ASIC2: variants seen among roughly 807,000 people sequenced by gnomAD.
ASIC2 encodes the protein acid sensing ion channel subunit 2.
ASIC2 carries 25 observed loss-of-function variants against 57.3 expected under a neutral mutation model. That is an observed-to-expected ratio of 0.44 (90% CI 0.32 to 0.61). ASIC2 has a LOEUF of 0.61. Ranked by LOEUF, ASIC2 falls within the 20% of genes least tolerant of loss-of-function variation. The pLI is 0.06. For synonymous variants in ASIC2, 319 were observed against 307.5 expected (o/e 1.04, Z -0.39); for missense variants, 641 against 738.1 (o/e 0.87, Z 1.52).
At chr17:33,624,380 A>G (rs1459415153) in intron 1 of ASIC2, among the ~76,000 whole-genome samples, 1 of 152,194 alleles carries the variant, frequency 6.6e-6, no homozygotes, top group African/African-American at 2.4e-5. Context: ...GAAGGTTTGA[A>G]GAATCTGGAA....
chr17:34,005,277 G>A (rs1906486934), intron 1 of ASIC2: 1 of 152,072 alleles, frequency 6.6e-6, no homozygotes, highest in South Asian at 2.1e-4. Context: ...TCTCATCCTG[G>A]TGCTGGACAC....
intron 1 of ASIC2, among the ~76,000 whole-genome samples, chr17:33,437,435 AT>A (rs1248061450): frequency 1.3e-5 from 2 of 152,190 alleles, no homozygotes; most frequent in Non-Finnish European, 2.9e-5. Flanking sequence ...AAATGGAAAG[AT>A]TTTTTTAAAA....
At chr17:33,224,239 C>A (rs1907794996) in intron 1 of ASIC2, among the ~76,000 whole-genome samples, 1 of 152,214 alleles carries the variant, frequency 6.6e-6, no homozygotes, top group African/African-American at 2.4e-5. Context: ...TATGCACTTG[C>A]TTTCTGGGCT....
At chr17:33,963,948 A>T (rs938166799) in intron 1 of ASIC2, among the ~76,000 whole-genome samples, 1 of 152,196 alleles carries the variant, frequency 6.6e-6, no homozygotes, top group Non-Finnish European at 1.5e-5. Context: ...CTGCCACTGG[A>T]TGACCTTGAC....
chr17:33,430,024 T>C (rs1039479770), intron 1 of ASIC2, among the ~76,000 whole-genome samples: 1 of 152,170 alleles, frequency 6.6e-6, no homozygotes, highest in Non-Finnish European at 1.5e-5. Context: ...TTTCACAGAC[T>C]ATAGAACCCT....
intron 1 of ASIC2, among the ~76,000 whole-genome samples, chr17:33,478,921 T>C (rs938255251): frequency 6.6e-6 from 1 of 152,242 alleles, no homozygotes; most frequent in Non-Finnish European, 1.5e-5. Flanking sequence ...AACTTTCATG[T>C]TCAGGTTGCA....
chr17:33,085,758 T>C (rs979598632), intron 3 of ASIC2, among the ~76,000 whole-genome samples: 2 of 152,212 alleles, frequency 1.3e-5, no homozygotes, highest in Non-Finnish European at 2.9e-5. Flanking sequence ...GCTGATTTCC[T>C]TCAAGTCTTA....
intron 1 of ASIC2, among the ~76,000 whole-genome samples, chr17:33,704,773 T>C (rs1354735997): frequency 6.6e-6 from 1 of 152,156 alleles, no homozygotes; most frequent in East Asian, 1.9e-4. Flanking sequence ...TGTGTTGGGA[T>C]TGGATGTAAT....
rs114965731 is a variant in ASIC2, at chr17:33,136,993, C to G, written c.709-24926G>C. Among the ~76,000 whole-genome samples the G allele has an allele frequency of 7.3e-3, 1,110 of 152,316 alleles. 13 individuals carry two copies. The highest frequency in any genetic ancestry group is 0.025 in the African/African-American group (1,044 of 41,556). On this transcript the variant is annotated intron_variant, in intron 1 of 9. Transcript: ENST00000225823. ...TAAAGAAAGTGTAATAATCCTGTCT[C>G]TATCTACCATCACAGGACTGCTATG...
chr17:33,312,048 T>A (rs1906448165), intron 1 of ASIC2, among the ~76,000 whole-genome samples: 1 of 152,222 alleles, frequency 6.6e-6, no homozygotes, highest in Admixed American at 6.5e-5. Flanking sequence ...TATAAAGACC[T>A]AGGTTTGAAT....
intron 1 of ASIC2, among the ~76,000 whole-genome samples, chr17:33,434,400 A>G (rs1050365405): frequency 1.3e-5 from 2 of 152,182 alleles, no homozygotes; most frequent in African/African-American, 2.4e-5. Context: ...ACCAACACCA[A>G]AATATATTCT....
chr17:33,300,404 T>C (rs1372803464), intron 1 of ASIC2, among the ~76,000 whole-genome samples: 2 of 152,156 alleles, frequency 1.3e-5, no homozygotes, highest in African/African-American at 4.8e-5. Context: ...CATTTCCCAT[T>C]ATCCTGTTTT....
At chr17:33,930,031 G>A (rs1915898430) in intron 1 of ASIC2, among the ~76,000 whole-genome samples, 1 of 152,168 alleles carries the variant, frequency 6.6e-6, no homozygotes, top group South Asian at 2.1e-4. Flanking sequence ...GTGCTGTACA[G>A]GACAAACTTT....
intron 8 of ASIC2, among the ~76,000 whole-genome samples, chr17:33,017,278 G>A (rs1219852192): frequency 6.6e-6 from 1 of 152,220 alleles, no homozygotes. Flanking sequence ...CCAGCTGCAG[G>A]AGGGGCTTGG....
chr17:33,380,604 G>A (rs953871485), intron 1 of ASIC2, among the ~76,000 whole-genome samples: 5 of 152,190 alleles, frequency 3.3e-5, no homozygotes, highest in Non-Finnish European at 5.9e-5. Flanking sequence ...CCAAGCTGTC[G>A]CTGGAAAGTG....
intron 1 of ASIC2, among the ~76,000 whole-genome samples, chr17:33,847,540 C>T (rs963583789): frequency 7.2e-5 from 11 of 152,122 alleles, no homozygotes; most frequent in African/African-American, 9.7e-5. Context: ...TGACCCTGCT[C>T]GCTGGGTACA....
intron 1 of ASIC2, among the ~76,000 whole-genome samples, chr17:33,635,382 C>G (rs370176351): frequency 1.3e-5 from 2 of 152,164 alleles, no homozygotes; most frequent in Non-Finnish European, 2.9e-5. Flanking sequence ...GCAAATTACT[C>G]GACTATTATC....
At chr17:33,504,741 CT>C (rs1371212891) in intron 1 of ASIC2, among the ~76,000 whole-genome samples, 1 of 152,232 alleles carries the variant, frequency 6.6e-6, no homozygotes, top group Non-Finnish European at 1.5e-5. Flanking sequence ...TCAGATGTTT[CT>C]TTATCATTAC....
chr17:33,772,350 T>C (rs1308810313), intron 1 of ASIC2, among the ~76,000 whole-genome samples: 1 of 152,216 alleles, frequency 6.6e-6, no homozygotes, highest in African/African-American at 2.4e-5. Flanking sequence ...ATACCCTTTT[T>C]AGCCAATCAT....
Sources: allele counts gnomAD v4.1 joint callset (sites outside exome capture counted in the v4.1 genomes callset), GRCh38; gene constraint gnomAD v4.1.1; transcripts MANE v1.5; gene names NCBI Gene and HGNC (gene_info 2026-07-23, HGNC 2026-07-21).